Variants in CACNG2 observed in about 807,000 individuals in gnomAD.
The protein encoded by CACNG2 is calcium voltage-gated channel auxiliary subunit gamma 2.
In CACNG2, 3 loss-of-function variants were observed where a neutral mutation model predicts 25.9. That is an observed-to-expected ratio of 0.12 (90% CI 0.05 to 0.30). The LOEUF (loss-of-function observed/expected upper bound fraction) is 0.30, where lower values mean the gene tolerates loss of function less well. Ranked by LOEUF, CACNG2 falls within the 10% of genes least tolerant of loss-of-function variation. The pLI, the probability that CACNG2 is intolerant of heterozygous loss-of-function variation, is 1.00. For synonymous variants in CACNG2, 167 were observed against 173.3 expected (o/e 0.96, Z 0.29); for missense variants, 341 against 432.5 (o/e 0.79, Z 1.88).
intron 2 of CACNG2, among the ~76,000 whole-genome samples, chr22:36,573,707 AT>A (rs1935269691): frequency 6.6e-6 from 1 of 152,134 alleles, no homozygotes; most frequent in Non-Finnish European, 1.5e-5. Context: ...TTTGTTCAAG[AT>A]TTGTGAATCC....
At position 36,702,789 on chromosome 22, in the gene CACNG2, G is replaced by T. The variant is rs1336477130; in HGVS notation, c.-213C>A. The T allele has an allele frequency of 8.1e-6, 4 of 491,992 alleles. No homozygotes were observed. Among genetic ancestry groups the T allele is most frequent in the Non-Finnish European group, 1.4e-5 (4 of 280,876 alleles). The allele number at this position is 491,992 out of a possible 1,614,324, so 30.5% of individuals were successfully genotyped here. A position where few individuals can be genotyped will look rare whatever the true frequency, so the allele number is the denominator to read the frequency against. On this transcript the variant is annotated 5_prime_UTR_variant, in exon 1 of 4. Coordinates refer to ENST00000300105, the MANE Select transcript of CACNG2 (RefSeq NM_006078.5). ...AGAGTGTAAATTATAAAGATCACAC[G>T]GGAAGAGGCTTGCCTTTTGAGATCA...
At chr22:36,669,507 C>CA (rs1936919605) in intron 1 of CACNG2, among the ~76,000 whole-genome samples, 1 of 74,186 alleles carries the variant, frequency 1.3e-5, no homozygotes, top group Admixed American at 1.5e-4. Context: ...AACTCTATCT[C>CA]CAAAAAAAAA....
At chr22:36,627,830 AG>A (rs1453239075) in intron 1 of CACNG2, among the ~76,000 whole-genome samples, 2 of 151,884 alleles carry the variant, frequency 1.3e-5, no homozygotes, top group African/African-American at 2.4e-5. Flanking sequence ...TGTTTACTTC[AG>A]GGTAACTGTT....
intron 2 of CACNG2, chr22:36,584,898 T>G (rs993865637): frequency 1.2e-4 from 19 of 152,458 alleles, no homozygotes; most frequent in African/African-American, 4.1e-4. Context: ...AGGAGTGGAC[T>G]CAGGCCCTCT....
At chr22:36,566,195 G>GC (rs878960994) in intron 3 of CACNG2, among the ~76,000 whole-genome samples, 158 bp downstream of exon 3, 9 of 152,058 alleles carry the variant, frequency 5.9e-5, no homozygotes, top group East Asian at 1.9e-4. Context: ...CAGGACAGGA[G>GC]CCCCCCCACC....
At chr22:36,659,962 C>T (rs1283560153) in intron 1 of CACNG2, among the ~76,000 whole-genome samples, 1 of 152,136 alleles carries the variant, frequency 6.6e-6, no homozygotes, top group Non-Finnish European at 1.5e-5. Context: ...GGACAGTAGC[C>T]CAGTGGCTGG....
At chr22:36,684,751 AAC>A (rs945133114) in intron 1 of CACNG2, among the ~76,000 whole-genome samples, 23 of 152,180 alleles carry the variant, frequency 1.5e-4, no homozygotes, top group African/African-American at 5.6e-4. Context: ...TAATTTTTAT[AAC>A]ACACTGCTTG....
At chr22:36,571,047 A>C (rs934444060) in intron 2 of CACNG2, among the ~76,000 whole-genome samples, 2 of 152,176 alleles carry the variant, frequency 1.3e-5, no homozygotes, top group African/African-American at 4.8e-5. Flanking sequence ...TCTGAGCCTC[A>C]GTTTCCCCAT....
In CACNG2 at chr22:36,703,598, G is replaced by A. The variant is rs1025496672; in HGVS notation, c.-1022C>T. ...CCCCGGCTGGCTCCCAGGGCCGCCC[G>A]CCAGGAGGGGGGCGCTGGCCAGAGT... On this transcript the variant is annotated 5_prime_UTR_variant, in exon 1 of 4. Coordinates refer to ENST00000300105, the MANE Select transcript of CACNG2 (RefSeq NM_006078.5). 3.7e-4 allele frequency: 57 copies of A among 152,614 alleles called. No homozygotes were observed. Among genetic ancestry groups the A allele is most frequent in the African/African-American group, 1.3e-3 (54 of 41,520 alleles). The allele number at this position is 152,614 out of a possible 1,614,324, so 9.5% of individuals were successfully genotyped here.
intron 1 of CACNG2, among the ~76,000 whole-genome samples, chr22:36,615,497 C>T (rs1300498466): frequency 6.6e-6 from 1 of 152,200 alleles, no homozygotes; most frequent in Non-Finnish European, 1.5e-5. Context: ...GTCTAGAATG[C>T]TCTTGTTTTG....
chr22:36,702,402 T>C lies in CACNG2; in HGVS notation c.175A>G (p.Thr59Ala). The C allele has an allele frequency of 6.2e-7, 1 of 1,613,996 alleles. No individual in the cohort carries two copies. Among genetic ancestry groups the C allele is most frequent in the Non-Finnish European group, 8.5e-7 (1 of 1,179,976 alleles). The change falls in exon 1 of 4, where the codon ACC becomes GCC. Residue 59 changes from threonine to alanine, a missense_variant. By Grantham distance (58) the Thr-to-Ala change is moderately conservative. Coordinates refer to ENST00000300105, the MANE Select transcript of CACNG2 (RefSeq NM_006078.5). ...CAGGTTCTCCATAATCCGGAATGGG[T>C]CATAACTTCCTCGTTCTTTTTGCTG... ...ETSKKNEEVM[T>A]HSGLWRTCCL...
At chr22:36,638,009 G>A (rs1278365789) in intron 1 of CACNG2, among the ~76,000 whole-genome samples, 1 of 151,068 alleles carries the variant, frequency 6.6e-6, no homozygotes, top group Non-Finnish European at 1.5e-5. Flanking sequence ...GCAACAGAGT[G>A]AGAATCCATC....
intron 1 of CACNG2, among the ~76,000 whole-genome samples, chr22:36,639,570 C>T (rs992942501): frequency 8.5e-5 from 13 of 152,352 alleles, no homozygotes; most frequent in African/African-American, 2.9e-4. Context: ...GGGAACCCAA[C>T]CTCCTCTGTC....
chr22:36,689,994 A>C (rs1165831128), intron 1 of CACNG2, among the ~76,000 whole-genome samples: 1 of 152,190 alleles, frequency 6.6e-6, no homozygotes, highest in Non-Finnish European at 1.5e-5. Flanking sequence ...CCTGCTCAGG[A>C]ATGTGGGATA....
At chr22:36,683,304 A>G (rs1228407557) in intron 1 of CACNG2, among the ~76,000 whole-genome samples, 1 of 152,188 alleles carries the variant, frequency 6.6e-6, no homozygotes, top group Admixed American at 6.5e-5. Flanking sequence ...TGAAATAAAC[A>G]CCCTCGGGTC....
rs552668248 is a variant in CACNG2 at position 36,656,787 on chromosome 22, C to T, written c.211+45579G>A. 2.0e-5 allele frequency among the ~76,000 whole-genome samples: 3 copies of T among 152,368 alleles called. No homozygotes were observed. The South Asian group carries it at 6.2e-4, about 32-fold the overall frequency. ...GACATGAGCATGGCTCTTTCCTTCA[C>T]TTCCTTTGGGTTTTTACCAGTGAGG... On this transcript the variant is annotated intron_variant, in intron 1 of 3. Coordinates refer to ENST00000300105, the MANE Select transcript of CACNG2 (RefSeq NM_006078.5).
intron 1 of CACNG2, among the ~76,000 whole-genome samples, chr22:36,592,080 G>A (rs542027881): frequency 2.0e-5 from 3 of 152,036 alleles, no homozygotes; most frequent in African/African-American, 4.8e-5. Flanking sequence ...CATGGGTGCA[G>A]TTAGCTGGAG....
At chr22:36,630,195 G>T (rs981993451) in intron 1 of CACNG2, among the ~76,000 whole-genome samples, 1 of 152,170 alleles carries the variant, frequency 6.6e-6, no homozygotes, top group Non-Finnish European at 1.5e-5. Context: ...AGAATAGTTT[G>T]TAAGGGGTGG....
intron 2 of CACNG2, among the ~76,000 whole-genome samples, chr22:36,571,763 G>T (rs1935229309): frequency 6.6e-6 from 1 of 151,632 alleles, no homozygotes; most frequent in Admixed American, 6.6e-5. Flanking sequence ...CATAGCCCCA[G>T]CTACTTGGGG....
Sources: gnomAD v4.1 joint callset for allele counts (sites outside exome capture counted in the v4.1 genomes callset) on GRCh38, gnomAD v4.1.1 for gene constraint, MANE v1.5 for transcripts, NCBI Gene and HGNC (gene_info 2026-07-23, HGNC 2026-07-21) for gene names.